The following MATCAP2 variants were observed in gnomAD, a reference collection of about 807,000 sequenced individuals.
MATCAP2 encodes putative tyrosine carboxypeptidase MATCAP2.
chr7:36,344,410 A>G, the MATCAP2 span, among the ~76,000 whole-genome samples: 16 of 152,242 alleles, frequency 1.1e-4, no homozygotes, highest in Non-Finnish European at 1.8e-4. Context: ...ATTGACCACA[A>G]TTATGATCAT....
chr7:36,384,609 G>T, the MATCAP2 span, among the ~76,000 whole-genome samples: 6 of 152,210 alleles, frequency 3.9e-5, no homozygotes, highest in African/African-American at 1.4e-4. Context: ...ATGTCAGATA[G>T]TGGCAAATGT....
chr7:36,342,893 T>G, the MATCAP2 span, among the ~76,000 whole-genome samples: 2 of 152,188 alleles, frequency 1.3e-5, no homozygotes, highest in Non-Finnish European at 2.9e-5. Context: ...CCCAAAGTGT[T>G]AGAATTATAG....
chr7:36,338,294 T>C, the MATCAP2 span, among the ~76,000 whole-genome samples: 2 of 152,086 alleles, frequency 1.3e-5, no homozygotes, highest in Non-Finnish European at 2.9e-5. Flanking sequence ...TTTTAATGTA[T>C]TTATATATTT....
At chr7:36,364,572 T>C in the MATCAP2 span, among the ~76,000 whole-genome samples, 1 of 152,210 alleles carries the variant, frequency 6.6e-6, no homozygotes, top group Non-Finnish European at 1.5e-5. Flanking sequence ...CTGTTCTATA[T>C]TTGTAACGAC....
At chr7:36,375,132 T>C in the MATCAP2 span, among the ~76,000 whole-genome samples, 3 of 152,318 alleles carry the variant, frequency 2.0e-5, no homozygotes, top group Admixed American at 6.5e-5. Flanking sequence ...TCCACAATGG[T>C]TGAACTAGTT....
At chr7:36,390,086 C>T in the MATCAP2 span, 1 of 1,612,680 alleles carries the variant, frequency 6.2e-7, no homozygotes, top group East Asian at 2.2e-5. Context: ...ACCCACCGCT[C>T]TAGGCCCCCA....
chr7:36,364,402 C>T, the MATCAP2 span, among the ~76,000 whole-genome samples: 145 of 152,148 alleles, frequency 9.5e-4, no homozygotes, highest in African/African-American at 3.4e-3. Context: ...GAACCTTCTT[C>T]TTTAAAAGGC....
At chr7:36,347,153 A>AT in the MATCAP2 span, among the ~76,000 whole-genome samples, 2 of 152,138 alleles carry the variant, frequency 1.3e-5, no homozygotes, top group Non-Finnish European at 2.9e-5. Context: ...TAATAAAGCT[A>AT]TTTTTTTAAA....
chr7:36,332,882 G>A, the MATCAP2 span, among the ~76,000 whole-genome samples: 7 of 152,094 alleles, frequency 4.6e-5, no homozygotes, highest in African/African-American at 1.7e-4. Context: ...AGCTGAGATC[G>A]CACCATTGTA....
At chr7:36,332,796 G>A in the MATCAP2 span, among the ~76,000 whole-genome samples, 2 of 152,274 alleles carry the variant, frequency 1.3e-5, no homozygotes, top group African/African-American at 2.4e-5. Context: ...GCATATTGGT[G>A]CATGCCTTCA....
At chr7:36,390,058 C>T in the MATCAP2 span, 10 of 1,613,422 alleles carry the variant, frequency 6.2e-6, no homozygotes, top group East Asian at 8.9e-5. Flanking sequence ...AGTGAGTTTG[C>T]GGGTGCAGCC....
the MATCAP2 span, among the ~76,000 whole-genome samples, chr7:36,361,741 A>G: frequency 1.2e-4 from 19 of 152,276 alleles, no homozygotes; most frequent in East Asian, 3.9e-4. Context: ...ACAAATGAAC[A>G]AACAAACAAA....
chr7:36,379,843 CACACAGAG>C, the MATCAP2 span, among the ~76,000 whole-genome samples: 21 of 127,474 alleles, frequency 1.6e-4, no homozygotes, highest in South Asian at 1.2e-3. Context: ...CACACACACA[CACACAGAG>C]AGAGAGAGAG....
the MATCAP2 span, among the ~76,000 whole-genome samples, chr7:36,336,497 C>T: frequency 6.6e-6 from 1 of 152,148 alleles, no homozygotes; most frequent in Admixed American, 6.5e-5. Flanking sequence ...TACACTTTAG[C>T]AATACGAACT....
chr7:36,351,449 T>C, the MATCAP2 span, among the ~76,000 whole-genome samples: 1 of 152,172 alleles, frequency 6.6e-6, no homozygotes, highest in Non-Finnish European at 1.5e-5. Context: ...TGCACTGCTA[T>C]GCCATAGAGT....
chr7:36,345,852 A>G, the MATCAP2 span, among the ~76,000 whole-genome samples: 1 of 152,208 alleles, frequency 6.6e-6, no homozygotes, highest in East Asian at 1.9e-4. Context: ...GATAAGATGG[A>G]CTTCATCAAA....
At chr7:36,366,945 G>A in the MATCAP2 span, 3 of 1,364,846 alleles carry the variant, frequency 2.2e-6, no homozygotes, top group South Asian at 1.8e-5. Flanking sequence ...CAGCATCGTC[G>A]CCCCGAGGCC....
chr7:36,335,933 G>A, the MATCAP2 span, among the ~76,000 whole-genome samples: 2 of 152,134 alleles, frequency 1.3e-5, no homozygotes, highest in Non-Finnish European at 2.9e-5. Flanking sequence ...TTAGCTGGGT[G>A]TGGTGGCTGG....
chr7:36,385,787 AAAAATAAAATAAAATAAAATAAAAT>A, the MATCAP2 span, among the ~76,000 whole-genome samples: 36 of 119,404 alleles, frequency 3.0e-4, no homozygotes, highest in African/African-American at 8.0e-4. Context: ...CCCTATTTCA[AAAAATAAAATAAAATAAAATAAAAT>A]AAAATAAAAT....
Sources: allele counts gnomAD v4.1 joint callset (sites outside exome capture counted in the v4.1 genomes callset), GRCh38; gene constraint gnomAD v4.1.1; transcripts MANE v1.5; gene names NCBI Gene and HGNC (gene_info 2026-07-23, HGNC 2026-07-21).